GCNT2: variants seen among roughly 807,000 people sequenced by gnomAD.
GCNT2 encodes the protein glucosaminyl (N-acetyl) transferase 2 (I blood group).
A neutral mutation model predicts 34.2 loss-of-function variants in GCNT2; 34 were observed. The observed-to-expected ratio is 1.00, with a 90% confidence interval of 0.76 to 1.32. The LOEUF (loss-of-function observed/expected upper bound fraction) is 1.32. Among genes scored for constraint, GCNT2 ranks in the 40% most tolerant of loss-of-function variants. GCNT2 has a pLI of 0.00. For synonymous variants in GCNT2, 212 were observed against 188.0 expected, an observed-to-expected ratio of 1.13 and a Z score of -1.04; for missense variants, 584 against 489.4, an observed-to-expected ratio of 1.19 and a Z score of -1.82.
intron 1 of GCNT2, among the ~76,000 whole-genome samples, chr6:10,525,578 C>T (rs1032906889): frequency 3.9e-5 from 6 of 152,080 alleles, no homozygotes; most frequent in Non-Finnish European, 8.8e-5. Flanking sequence ...GTCCCATGTG[C>T]CTACCAAAAT....
chr6:10,592,448 C>A (rs1295029157), intron 3 of GCNT2, among the ~76,000 whole-genome samples: 1 of 152,068 alleles, frequency 6.6e-6, no homozygotes, highest in Non-Finnish European at 1.5e-5. Context: ...ACAATGTATC[C>A]CAGCTCTTGT....
At chr6:10,538,897 AAAT>A (rs1036218812) in intron 3 of GCNT2, among the ~76,000 whole-genome samples, 5 of 152,192 alleles carry the variant, frequency 3.3e-5, no homozygotes, top group African/African-American at 9.7e-5. Context: ...TAAAACCAAA[AAAT>A]AATGTTTCTT....
Position 10,529,338 on chromosome 6 carries a change from T to C in GCNT2, c.427T>C (p.Leu143=). 1 of 1,613,958 alleles carries C rather than the reference T, an allele frequency of 6.2e-7. No individual in the cohort carries two copies. The highest frequency in any genetic ancestry group is 1.3e-5 in the African/African-American group (1 of 75,002). ...TDAFKGAVKQ[L]LSCFPNAFLA... ...TGCCTTTAAAGGTGCAGTGAAACAG[T>C]TACTCAGCTGCTTCCCAAATGCTTT... Residue 143 remains leucine, a synonymous_variant, in exon 3 of 5, where the codon TTA becomes CTA. Coordinates refer to ENST00000495262, the MANE Select transcript of GCNT2 (RefSeq NM_145649.5).
intron 3 of GCNT2, among the ~76,000 whole-genome samples, chr6:10,537,862 A>G (rs144233228): frequency 0.01 from 1,552 of 152,106 alleles, 33 homozygotes; most frequent in African/African-American, 0.035. Context: ...ATCTTACACA[A>G]AGCCTATTTT....
chr6:10,572,036 A>C (rs967903006), intron 3 of GCNT2, among the ~76,000 whole-genome samples: 1 of 149,438 alleles, frequency 6.7e-6, no homozygotes, highest in Non-Finnish European at 1.5e-5. Flanking sequence ...ATCTAGAGTG[A>C]ACAATTCTCC....
At position 10,626,625 on chromosome 6, in the gene GCNT2, C is replaced by A; in HGVS notation, c.*18C>A. 6.3e-7 allele frequency: 1 copy of A among 1,591,284 alleles called. No individual in the cohort carries two copies. Among genetic ancestry groups the A allele is most frequent in the South Asian group, 1.1e-5 (1 of 90,582 alleles). ...ATTTTTGAGCTATTCATGAGCTACT[C>A]ATGACTGAAGGGAAACTGCAGCTGG... On this transcript the variant is annotated 3_prime_UTR_variant, in exon 5 of 5. Transcript: ENST00000495262.
At chr6:10,580,840 G>A (rs548283) in intron 3 of GCNT2, among the ~76,000 whole-genome samples, 3 of 152,074 alleles carry the variant, frequency 2.0e-5, no homozygotes, top group African/African-American at 4.8e-5. Flanking sequence ...AGAGGGCCCC[G>A]CAGGCAGCCC....
intron 3 of GCNT2, among the ~76,000 whole-genome samples, chr6:10,542,022 G>A (rs984542883): frequency 2.6e-5 from 4 of 152,114 alleles, no homozygotes; most frequent in African/African-American, 4.8e-5. Flanking sequence ...AAAGCTTGGC[G>A]TCAGATTGAA....
chr6:10,543,383 G>GT (rs1305901809), intron 3 of GCNT2, among the ~76,000 whole-genome samples: 1 of 151,824 alleles, frequency 6.6e-6, no homozygotes, highest in Non-Finnish European at 1.5e-5. Context: ...TAGAGACAGG[G>GT]TTTCACCATG....
chr6:10,584,446 C>G (rs894464020), intron 3 of GCNT2, among the ~76,000 whole-genome samples: 1 of 152,126 alleles, frequency 6.6e-6, no homozygotes, highest in African/African-American at 2.4e-5. Context: ...ACGCCTTCCT[C>G]TTATCTCAAC....
chr6:10,564,396 C>T (rs933812277), intron 3 of GCNT2, among the ~76,000 whole-genome samples: 1 of 152,170 alleles, frequency 6.6e-6, no homozygotes, highest in Non-Finnish European at 1.5e-5. Context: ...CTCAGACCTG[C>T]GGGCTGGTCT....
At chr6:10,539,873 C>T (rs1761958486) in intron 3 of GCNT2, among the ~76,000 whole-genome samples, 1 of 152,166 alleles carries the variant, frequency 6.6e-6, no homozygotes, top group African/African-American at 2.4e-5. Context: ...CAGAGGATTG[C>T]TTGAGACCAG....
Position 10,558,574 on chromosome 6 carries a change from T to A in GCNT2, c.925+28738T>A, listed in dbSNP as rs561442740. On this transcript the variant is annotated intron_variant, in intron 3 of 4. Coordinates refer to ENST00000495262, the MANE Select transcript of GCNT2 (RefSeq NM_145649.5). ...ATTTCTTCTGAAGAAAACAGCGTGC[T>A]TTGGACTCAATGAAAAATACAAAAT... Among the ~76,000 whole-genome samples, 10 of 152,310 alleles carry A rather than the reference T, an allele frequency of 6.6e-5. No homozygotes were observed. In the Middle Eastern group the frequency reaches 0.01, roughly 155 times the overall value.
In GCNT2 at chr6:10,551,582, C is replaced by A. The variant is rs117622485; in HGVS notation, c.925+21746C>A. Among the ~76,000 whole-genome samples the A allele has an allele frequency of 3.7e-4, 56 of 151,114 alleles. No individual in the cohort carries two copies. The East Asian group carries it at 0.011, about 28-fold the overall frequency. ...GCCTCAGCCTCCTGAGTAGCTGGTACTACCGGCGCCCACCACCATGCCTGA... is the reference window on the plus strand; with the variant it reads ...GCCTCAGCCTCCTGAGTAGCTGGTAATACCGGCGCCCACCACCATGCCTGA... On this transcript the variant is annotated intron_variant, in intron 3 of 4. Coordinates refer to ENST00000495262, the MANE Select transcript of GCNT2 (RefSeq NM_145649.5).
rs372728884 is a variant in GCNT2, at chr6:10,624,685, T to C, written c.1019-1732T>C. Among the ~76,000 whole-genome samples, 24 of 152,332 alleles carry C rather than the reference T, an allele frequency of 1.6e-4. No homozygotes were observed. In the East Asian group the frequency reaches 3.5e-3, roughly 22 times the overall value. On this transcript the variant is annotated intron_variant, in intron 4 of 4. Transcript: ENST00000495262. ...TGATCAAAATTCATCATCTAGTCCC[T>C]TGTCAGGTCATCCTGCCCCACCATC...
At chr6:10,557,371 A>G (rs867384946) in intron 3 of GCNT2, 2 of 1,558,068 alleles carry the variant, frequency 1.3e-6, no homozygotes, top group Non-Finnish European at 1.8e-6. Flanking sequence ...TTCATGCAAA[A>G]GAAATGTGTC....
At chr6:10,563,777 A>AATATATATATATATATAT (rs70991026) in intron 3 of GCNT2, among the ~76,000 whole-genome samples, 2 of 24,708 alleles carry the variant, frequency 8.1e-5, no homozygotes, top group Admixed American at 7.6e-4. Flanking sequence ...AAAAAAAAAA[A>AATATATATATATATATAT]ATATATATAT....
intron 3 of GCNT2, among the ~76,000 whole-genome samples, chr6:10,530,445 T>A (rs879376504): frequency 2.0e-5 from 3 of 152,244 alleles, no homozygotes; most frequent in African/African-American, 7.2e-5. Flanking sequence ...GTATTATAAA[T>A]AAAATTTGAA....
At chr6:10,582,124 T>A (rs1379448407) in intron 3 of GCNT2, among the ~76,000 whole-genome samples, 1 of 139,298 alleles carries the variant, frequency 7.2e-6, no homozygotes, top group African/African-American at 2.7e-5. Context: ...AAAAAACATT[T>A]ATAAATGCAT....
Sources: gnomAD v4.1 joint callset for allele counts (sites outside exome capture counted in the v4.1 genomes callset) on GRCh38, gnomAD v4.1.1 for gene constraint, MANE v1.5 for transcripts, NCBI Gene and HGNC (gene_info 2026-07-23, HGNC 2026-07-21) for gene names.